Variants in SDK2 observed in about 807,000 individuals in gnomAD.
The protein encoded by SDK2 is sidekick cell adhesion molecule 2.
A neutral mutation model predicts 253.9 loss-of-function variants in SDK2; 105 were observed. The ratio of observed to expected loss-of-function variants is 0.41; its 90% CI spans 0.35 to 0.49. The LOEUF (loss-of-function observed/expected upper bound fraction) is 0.49, where lower values mean the gene tolerates loss of function less well. SDK2 is among the 20% of genes least tolerant of loss of function. The pLI is 0.06. For synonymous variants in SDK2, 1,249 were observed against 1,234.9 expected (o/e 1.01, Z -0.24); for missense variants, 2,608 against 3,003.0 (o/e 0.87, Z 3.07).
chr17:73,449,082 T>C (rs1317816385), intron 4 of SDK2, among the ~76,000 whole-genome samples: 1 of 152,124 alleles, frequency 6.6e-6, no homozygotes, highest in Admixed American at 6.5e-5. Flanking sequence ...GCTGGTTTCC[T>C]TTGCTGGGAT....
chr17:73,526,530 G>A (rs141889071), intron 1 of SDK2, among the ~76,000 whole-genome samples: 77 of 152,322 alleles, frequency 5.1e-4, no homozygotes, highest in African/African-American at 1.3e-3. Context: ...GAATGGTGAC[G>A]ATCAGAGTCC....
At chr17:73,454,166 A>C (rs2063507159) in intron 4 of SDK2, among the ~76,000 whole-genome samples, 1 of 152,250 alleles carries the variant, frequency 6.6e-6, no homozygotes. Context: ...CACAACAATG[A>C]AACAGCCAAA....
chr17:73,407,029 T>A (rs980313627), intron 18 of SDK2, among the ~76,000 whole-genome samples: 6 of 152,138 alleles, frequency 3.9e-5, no homozygotes, highest in African/African-American at 1.2e-4. Context: ...ACCAATGAGA[T>A]TATTAAAGAG....
chr17:73,532,618 T>A (rs1201101575), intron 1 of SDK2, among the ~76,000 whole-genome samples: 1 of 152,208 alleles, frequency 6.6e-6, no homozygotes, highest in Non-Finnish European at 1.5e-5. Context: ...GAAATCGCCC[T>A]TCTTATCAAC....
At chr17:73,393,911 T>C (rs1446262624) in intron 26 of SDK2, among the ~76,000 whole-genome samples, 162 bp from the exon 27 acceptor site, 1 of 152,196 alleles carries the variant, frequency 6.6e-6, no homozygotes, top group African/African-American at 2.4e-5. Flanking sequence ...AAAGGAATTC[T>C]AAAAGATAAT....
chr17:73,458,981 G>A (rs776040559), intron 3 of SDK2, among the ~76,000 whole-genome samples: 4 of 152,080 alleles, frequency 2.6e-5, no homozygotes, highest in Non-Finnish European at 4.4e-5. Context: ...TCCAGCCTGG[G>A]GCAACAAGAG....
chr17:73,478,075 T>A (rs1362381219), intron 2 of SDK2, among the ~76,000 whole-genome samples: 1 of 152,210 alleles, frequency 6.6e-6, no homozygotes, highest in Non-Finnish European at 1.5e-5. Context: ...CCAGCTGCCC[T>A]GTCATCCTGA....
rs151113350 is a variant in SDK2, at chr17:73,349,899, C to T, written c.6038+338G>A. On this transcript the variant is annotated intron_variant, in intron 43 of 44. Coordinates refer to ENST00000392650, the MANE Select transcript of SDK2 (RefSeq NM_001144952.2). ...GCAGGGCTGTTTCCCTGGCAGTTGG[C>T]TCCGAACATCAGTAGGTTGGTTTGA... Among the ~76,000 whole-genome samples, 332 of 152,278 alleles carry T rather than the reference C, an allele frequency of 2.2e-3. 2 individuals carry two copies. The highest frequency in any genetic ancestry group is 7.7e-3 in the African/African-American group (319 of 41,542).
At chr17:73,631,655 G>A (rs1269709654) in intron 1 of SDK2, among the ~76,000 whole-genome samples, 11 of 152,224 alleles carry the variant, frequency 7.2e-5, no homozygotes. Context: ...GGATGTTTTG[G>A]GAGGAGGTGC....
Position 73,401,733 on chromosome 17 carries a change from G to A in SDK2, c.2700C>T (p.His900=). 1.3e-6 allele frequency: 2 copies of A among 1,582,766 alleles called. No individual in the cohort carries two copies. Among genetic ancestry groups the A allele is most frequent in the Non-Finnish European group, 1.7e-6 (2 of 1,163,384 alleles). ...TGTCCAGGATCTCACTGAAGCTCAG[G>A]TGTCCCACGGGCCCAGGCACTGCAC... ...THEDVPGPVG[H]LSFSEILDTS... The change falls in exon 20 of 45, where the codon CAC becomes CAT. Residue 900 remains histidine, a synonymous_variant. Coordinates refer to ENST00000392650, the MANE Select transcript of SDK2 (RefSeq NM_001144952.2).
At chr17:73,537,869 C>T (rs1180196233) in intron 1 of SDK2, among the ~76,000 whole-genome samples, 5 of 152,030 alleles carry the variant, frequency 3.3e-5, no homozygotes, top group Admixed American at 6.5e-5. Flanking sequence ...AAAATGACAC[C>T]GCGGGAAAAA....
chr17:73,586,111 T>C (rs945743939), intron 1 of SDK2, among the ~76,000 whole-genome samples: 1 of 152,170 alleles, frequency 6.6e-6, no homozygotes, highest in Admixed American at 6.5e-5. Flanking sequence ...ATTGTAGGGC[T>C]AATGGAGGTG....
Position 73,337,930 on chromosome 17 carries a change from T to A in SDK2, c.*657A>T. 1 of 152,530 alleles carries A rather than the reference T, an allele frequency of 6.6e-6. No homozygotes were observed. The highest frequency in any genetic ancestry group is 1.9e-4 in the East Asian group (1 of 5,204). 9.4% of individuals were successfully genotyped at this position (152,530 alleles called of 1,614,324 possible). ...AGCAAATTCTCACCCTTTAGTTTTT[T>A]GTTTTTTGTTTTTCTTCCTTTTTCT... On this transcript the variant is annotated 3_prime_UTR_variant, in exon 45 of 45. Coordinates refer to ENST00000392650, the MANE Select transcript of SDK2 (RefSeq NM_001144952.2).
At chr17:73,366,164 G>A (rs968925691) in intron 37 of SDK2, among the ~76,000 whole-genome samples, 1 of 152,202 alleles carries the variant, frequency 6.6e-6, no homozygotes, top group Admixed American at 6.5e-5. Flanking sequence ...CCAGCCCCAG[G>A]AGGCAGAGTC....
At chr17:73,432,780 ATGTG>A (rs1373116424) in intron 10 of SDK2, among the ~76,000 whole-genome samples, 3 of 151,814 alleles carry the variant, frequency 2.0e-5, no homozygotes, top group Non-Finnish European at 2.9e-5. Context: ...GTGTGTGCAC[ATGTG>A]TATGTACATG....
Position 73,477,973 on chromosome 17 carries a change from CTTTA to C in SDK2, c.225-5759_225-5756del, listed in dbSNP as rs145151660. ...CCCTAGGTCCTTTCAAAGGACTGCT[CTTTA>C]TTTATTTATTATAGGAAATATATTC... is the stretch of plus-strand genomic sequence containing the variant. On this transcript the variant is annotated intron_variant, in intron 2 of 44. Coordinates refer to ENST00000392650, the MANE Select transcript of SDK2 (RefSeq NM_001144952.2). Among the ~76,000 whole-genome samples, 263 of 152,278 alleles carry C rather than the reference CTTTA, an allele frequency of 1.7e-3. 1 individual carries two copies. Among genetic ancestry groups the C allele is most frequent in the African/African-American group, 6.0e-3 (248 of 41,538 alleles).
chr17:73,355,174 A>ATATATATATATATATATTTTTTTTTTTTT, intron 40 of SDK2, among the ~76,000 whole-genome samples: 7 of 47,232 alleles, frequency 1.5e-4, no homozygotes, highest in East Asian at 1.7e-3. Flanking sequence ...ATATATATAT[A>ATATATATATATATATATTTTTTTTTTTTT]TTTTTTTTTT....
intron 1 of SDK2, among the ~76,000 whole-genome samples, chr17:73,578,404 C>A (rs1023261692): frequency 6.6e-6 from 1 of 152,140 alleles, no homozygotes; most frequent in African/African-American, 2.4e-5. Flanking sequence ...TCATTTTGGA[C>A]CTCTGACCTC....
rs770032791 is a variant in SDK2, at chr17:73,355,174, A to ATTTTTTTTTTTTTTT, written c.5594-2552_5594-2538dup. ...CCTACACCTCCATATATATATATATATTTTTTTTTTTTTTTTTTTTTAGAC... is the reference window on the plus strand; with the variant it reads ...CCTACACCTCCATATATATATATATATTTTTTTTTTTTTTTTTTTTTTTTTTTTTTTTTTTTAGAC... On this transcript the variant is annotated intron_variant, in intron 40 of 44. Transcript: ENST00000392650. 1.1e-4 allele frequency among the ~76,000 whole-genome samples: 5 copies of ATTTTTTTTTTTTTTT among 47,238 alleles called. 1 individual carries two copies. Among genetic ancestry groups the ATTTTTTTTTTTTTTT allele is most frequent in the South Asian group, 1.8e-3 (1 of 558 alleles). 31.0% of individuals were successfully genotyped at this position (47,238 alleles called of 152,430 possible).
Sources: gnomAD v4.1 joint callset for allele counts (sites outside exome capture counted in the v4.1 genomes callset) on GRCh38, gnomAD v4.1.1 for gene constraint, MANE v1.5 for transcripts, NCBI Gene and HGNC (gene_info 2026-07-23, HGNC 2026-07-21) for gene names.